Variants in SAMD3 observed in about 807,000 individuals in gnomAD.
SAMD3 encodes sterile alpha motif domain-containing protein 3.
SAMD3 carries 63 observed loss-of-function variants against 58.5 expected under a neutral mutation model. The observed-to-expected ratio is 1.08, with a 90% CI of 0.88 to 1.33. SAMD3 has a LOEUF of 1.33. Ranked by LOEUF, SAMD3 falls within the 40% of genes most tolerant of loss-of-function variation. The probability of loss-of-function intolerance (pLI) is 0.00; values close to 1 mark genes in which losing one functional copy is unlikely to be tolerated. For missense variants in SAMD3, 604 were observed against 608.4 expected (o/e 0.99, Z 0.08); for synonymous variants, 220 against 210.3 (o/e 1.05, Z -0.40).
At chr6:130,294,626 A>T (rs1583062652) in intron 2 of SAMD3, among the ~76,000 whole-genome samples, 3 of 146,222 alleles carry the variant, frequency 2.1e-5, no homozygotes, top group African/African-American at 7.5e-5. Context: ...GCAAGGATTA[A>T]TTTTTTTTTT....
chr6:130,303,702 T>C (rs1159170334), intron 2 of SAMD3, among the ~76,000 whole-genome samples: 1 of 152,128 alleles, frequency 6.6e-6, no homozygotes, highest in Non-Finnish European at 1.5e-5. Context: ...ACCACCCCAG[T>C]CCAAAATTCC....
At chr6:130,309,081 C>T (rs1215530039) in intron 2 of SAMD3, among the ~76,000 whole-genome samples, 1 of 152,128 alleles carries the variant, frequency 6.6e-6, no homozygotes, top group East Asian at 1.9e-4. Context: ...ATAAGTTTGA[C>T]CCTAGTGAGA....
At chr6:130,290,683 T>C (rs1383446947) in intron 2 of SAMD3, among the ~76,000 whole-genome samples, 1 of 152,194 alleles carries the variant, frequency 6.6e-6, no homozygotes, top group Non-Finnish European at 1.5e-5. Context: ...TTGCATTCTT[T>C]CTGTGATTCA....
intron 5 of SAMD3, among the ~76,000 whole-genome samples, chr6:130,188,382 T>TA (rs1261024511): frequency 1.3e-5 from 2 of 152,198 alleles, no homozygotes; most frequent in African/African-American, 4.8e-5. Flanking sequence ...CCAGTATATA[T>TA]AACATTGCTT....
At chr6:130,358,035 G>T (rs1777885153) in intron 1 of SAMD3, among the ~76,000 whole-genome samples, 1 of 152,158 alleles carries the variant, frequency 6.6e-6, no homozygotes, top group Non-Finnish European at 1.5e-5. Context: ...TTCTCTCATA[G>T]TAAAAATTTA....
At chr6:130,352,044 C>T (rs1777688887) in intron 1 of SAMD3, among the ~76,000 whole-genome samples, 2 of 129,406 alleles carry the variant, frequency 1.5e-5, no homozygotes, top group South Asian at 2.5e-4. Flanking sequence ...AGGGGAACAT[C>T]ACACACCATG....
At chr6:130,275,063 A>C (rs1273062363) in intron 2 of SAMD3, among the ~76,000 whole-genome samples, 1 of 152,188 alleles carries the variant, frequency 6.6e-6, no homozygotes, top group Non-Finnish European at 1.5e-5. Context: ...ATCAAAATAT[A>C]CATTTTGATA....
In SAMD3 at chr6:130,271,767, T is replaced by C. The variant is rs540681653; in HGVS notation, c.-188+41211A>G. On this transcript the variant is annotated intron_variant, in intron 2 of 13. Coordinates refer to the SAMD3 transcript ENST00000368134. ...TAATGGACTCACAGTTCCACATGGC[T>C]GAGGAGGCCTCATATTCGTGGCAGA... is the stretch of plus-strand genomic sequence containing the variant. Among the ~76,000 whole-genome samples the C allele has an allele frequency of 2.6e-4, 39 of 152,342 alleles. No individual in the cohort carries two copies. The South Asian group carries it at 7.9e-3, about 31-fold the overall frequency.
chr6:130,260,741 G>A (rs1774095393), intron 2 of SAMD3, among the ~76,000 whole-genome samples: 3 of 152,206 alleles, frequency 2.0e-5, no homozygotes, highest in Non-Finnish European at 2.9e-5. Flanking sequence ...CGGATCCTGA[G>A]AGCACTCCCG....
chr6:130,215,053 G>T (rs1357125982), intron 3 of SAMD3, 142 bp downstream of exon 3: 4 of 485,302 alleles, frequency 8.2e-6, no homozygotes, highest in Non-Finnish European at 1.5e-5. Context: ...ATAAAGAAAT[G>T]AAAAGTTCTC....
Position 130,144,373 on chromosome 6 carries a change from A to C in SAMD3, c.*147T>G. ...CAAAGAACTTAATATCTAAGTGTAA[A>C]GATAGAAAGCATTGAAATTCATTAG... On this transcript the variant is annotated 3_prime_UTR_variant, in exon 12 of 12. Transcript: ENST00000439090. The C allele has an allele frequency of 4.5e-6, 3 of 665,516 alleles. No individual in the cohort carries two copies. The highest frequency in any genetic ancestry group is 7.4e-6 in the Non-Finnish European group (3 of 406,982). 41.2% of individuals were successfully genotyped at this position (665,516 alleles called of 1,614,324 possible).
chr6:130,258,172 A>G (rs943805470), intron 2 of SAMD3, among the ~76,000 whole-genome samples: 2 of 152,036 alleles, frequency 1.3e-5, no homozygotes, highest in African/African-American at 4.8e-5. Context: ...CTTTTGATCT[A>G]TTATGTTTGA....
chr6:130,298,998 G>T (rs1775659495), intron 2 of SAMD3, among the ~76,000 whole-genome samples: 1 of 152,070 alleles, frequency 6.6e-6, no homozygotes, highest in Non-Finnish European at 1.5e-5. Flanking sequence ...GATAGACAGT[G>T]ATCCAATAAC....
downstream of SAMD3, chr6:130,144,234 G>A (rs562438032): frequency 1.0e-5 from 4 of 394,430 alleles, no homozygotes; most frequent in Non-Finnish European, 1.4e-5. Flanking sequence ...TGAGTACAGT[G>A]TATTTCAAAA....
At chr6:130,247,466 CAA>C (rs1381371663) in intron 2 of SAMD3, among the ~76,000 whole-genome samples, 26 of 80,162 alleles carry the variant, frequency 3.2e-4, no homozygotes, top group Admixed American at 2.8e-4. Flanking sequence ...GACTCCATCT[CAA>C]AAAAAAAAAA....
At chr6:130,291,131 C>T (rs1396059591) in intron 2 of SAMD3, among the ~76,000 whole-genome samples, 2 of 152,142 alleles carry the variant, frequency 1.3e-5, no homozygotes, top group Non-Finnish European at 2.9e-5. Context: ...CACTCTGTCG[C>T]CCAGGCTGGA....
At chr6:130,271,751 C>T (rs1485222225) in intron 2 of SAMD3, among the ~76,000 whole-genome samples, 1 of 152,160 alleles carries the variant, frequency 6.6e-6, no homozygotes, top group East Asian at 1.9e-4. Context: ...TTAATGGACT[C>T]ACAGTTCCAC....
chr6:130,188,574 T>C (rs1348318672), intron 5 of SAMD3, among the ~76,000 whole-genome samples: 3 of 152,174 alleles, frequency 2.0e-5, no homozygotes, highest in Non-Finnish European at 4.4e-5. Flanking sequence ...AGGCATGTCT[T>C]TGAAATCACC....
At chr6:130,297,344 TAGTC>T (rs1348020037) in intron 2 of SAMD3, among the ~76,000 whole-genome samples, 2 of 152,110 alleles carry the variant, frequency 1.3e-5, no homozygotes, top group South Asian at 2.1e-4. Flanking sequence ...GTGTACACCT[TAGTC>T]AGGCCCTCAA....
Sources: gnomAD v4.1 joint callset for allele counts (sites outside exome capture counted in the v4.1 genomes callset) on GRCh38, gnomAD v4.1.1 for gene constraint, MANE v1.5 for transcripts, NCBI Gene and HGNC (gene_info 2026-07-23, HGNC 2026-07-21) for gene names.